The following SYT14 variants were observed in gnomAD, a reference collection of about 807,000 sequenced individuals.
SYT14 encodes synaptotagmin 14.
SYT14 carries 32 observed loss-of-function variants against 74.2 expected under a neutral mutation model. That is an observed-to-expected ratio of 0.43 (90% CI 0.33 to 0.58). The LOEUF is 0.58. Among genes scored for constraint, SYT14 ranks in the 20% least tolerant of loss-of-function variants. SYT14 has a pLI of 0.05. For missense variants in SYT14, 791 were observed against 981.8 expected, an observed-to-expected ratio of 0.81 and a Z score of 2.60; for synonymous variants, 298 against 337.7, an observed-to-expected ratio of 0.88 and a Z score of 1.29.
At chr1:210,001,571 G>A (rs2079900934) in intron 2 of SYT14, among the ~76,000 whole-genome samples, 1 of 152,056 alleles carries the variant, frequency 6.6e-6, no homozygotes, top group South Asian at 2.1e-4. Context: ...AAGCGTACAT[G>A]CTAGTATGGG....
intron 2 of SYT14, among the ~76,000 whole-genome samples, chr1:209,994,945 A>C (rs887578192): frequency 3.9e-5 from 6 of 152,234 alleles, no homozygotes; most frequent in Admixed American, 6.5e-5. Context: ...GCAAATGCTG[A>C]GGAAATTTGT....
At chr1:210,065,550 T>A (rs2081280569) in intron 5 of SYT14, among the ~76,000 whole-genome samples, 1 of 151,880 alleles carries the variant, frequency 6.6e-6, no homozygotes, top group South Asian at 2.1e-4. Flanking sequence ...TCTTTTTTTT[T>A]TAAGTTTTAT....
At chr1:210,092,652 T>A (rs1421984063) in intron 5 of SYT14, among the ~76,000 whole-genome samples, 1 of 152,266 alleles carries the variant, frequency 6.6e-6, no homozygotes. Context: ...ATGTCTAATC[T>A]GTCTTCTTGA....
At chr1:210,152,126 TA>T (rs969336516) in intron 7 of SYT14, among the ~76,000 whole-genome samples, 6 of 152,332 alleles carry the variant, frequency 3.9e-5, no homozygotes, top group Admixed American at 1.3e-4. Context: ...TGAAACTTAC[TA>T]AAATTGTTTT....
chr1:210,016,177 G>A (rs1447846426), exon 4 of SYT14: 1 of 1,231,938 alleles, frequency 8.1e-7, no homozygotes, highest in African/African-American at 1.6e-5. Flanking sequence ...GCCCAGAAGA[G>A]GAAAGCTCTG....
At chr1:210,083,481 T>C (rs948230001) in intron 5 of SYT14, among the ~76,000 whole-genome samples, 3 of 152,172 alleles carry the variant, frequency 2.0e-5, no homozygotes, top group African/African-American at 4.8e-5. Context: ...GGCACAATCA[T>C]AGCTCACTGC....
chr1:210,048,342 T>C (rs2080925079), intron 5 of SYT14, among the ~76,000 whole-genome samples: 1 of 152,134 alleles, frequency 6.6e-6, no homozygotes. Context: ...TACCCAAGAC[T>C]GGGCAATTTA....
intron 7 of SYT14, among the ~76,000 whole-genome samples, chr1:210,132,567 T>TTTTGTGTG (rs147481736): frequency 0.11 from 15,480 of 144,986 alleles, 1,096 homozygotes; most frequent in South Asian, 0.18. Context: ...ATTTTATATA[T>TTTTGTGTG]TGTGTGTGTG....
At chr1:209,947,953 G>T (rs1162756197) in intron 1 of SYT14, among the ~76,000 whole-genome samples, 1 of 152,110 alleles carries the variant, frequency 6.6e-6, no homozygotes, top group Non-Finnish European at 1.5e-5. Context: ...CTTGCTGAAG[G>T]CCTAGACAAT....
intron 5 of SYT14, among the ~76,000 whole-genome samples, chr1:210,046,171 G>A (rs2080880705): frequency 6.6e-6 from 1 of 152,174 alleles, no homozygotes; most frequent in African/African-American, 2.4e-5. Context: ...AGGAGTTCAA[G>A]ACCAGTCTGG....
exon 10 of SYT14, chr1:210,167,983 G>A (rs191442688): frequency 6.6e-6 from 1 of 152,270 alleles, no homozygotes; most frequent in Non-Finnish European, 1.5e-5. Context: ...CCATAGGGAG[G>A]ACCAAATAGG....
intron 7 of SYT14, among the ~76,000 whole-genome samples, chr1:210,153,672 T>C (rs932596425): frequency 9.9e-5 from 15 of 152,224 alleles, no homozygotes; most frequent in African/African-American, 3.6e-4. Flanking sequence ...AATTATGTAA[T>C]CTGCACATAA....
At chr1:209,962,875 T>C (rs1245081609) in intron 2 of SYT14, among the ~76,000 whole-genome samples, 4 of 152,170 alleles carry the variant, frequency 2.6e-5, no homozygotes, top group Non-Finnish European at 5.9e-5. Context: ...AAAAGCCATC[T>C]AAAAGTGTCA....
At position 210,029,424 on chromosome 1, in the gene SYT14, A is replaced by G. The variant is rs2080481330; in HGVS notation, c.1312+8170A>G. Among the ~76,000 whole-genome samples, 4 of 152,186 alleles carry G rather than the reference A, an allele frequency of 2.6e-5. No homozygotes were observed. In the South Asian group the frequency reaches 8.3e-4, roughly 32 times the overall value. On this transcript the variant is annotated intron_variant, in intron 5 of 9. Coordinates refer to ENST00000637265, the Ensembl canonical transcript of SYT14. ...AAGTCTTATCGTTATGATGTGATCC[A>G]TTTTGAGTTAATTTTTATATACGAT...
chr1:210,152,687 C>T (rs1019310157), intron 7 of SYT14, among the ~76,000 whole-genome samples: 1 of 152,120 alleles, frequency 6.6e-6, no homozygotes, highest in Non-Finnish European at 1.5e-5. Context: ...CTCACTAACC[C>T]CAGAAACTCC....
chr1:210,141,216 G>A (rs1357036707), intron 7 of SYT14, among the ~76,000 whole-genome samples: 1 of 152,082 alleles, frequency 6.6e-6, no homozygotes, highest in Non-Finnish European at 1.5e-5. Context: ...TTTCAAAAGT[G>A]TCTTGTAACT....
At chr1:209,973,729 A>G (rs1349497526) in intron 2 of SYT14, among the ~76,000 whole-genome samples, 2 of 152,170 alleles carry the variant, frequency 1.3e-5, no homozygotes, top group Non-Finnish European at 2.9e-5. Context: ...TATACCCAGT[A>G]ATGGGATGGC....
chr1:210,072,885 C>A (rs1237462299), intron 5 of SYT14, among the ~76,000 whole-genome samples: 5 of 151,196 alleles, frequency 3.3e-5, no homozygotes, highest in African/African-American at 1.2e-4. Flanking sequence ...ATTAGCAAAA[C>A]AGGATTCAGG....
chr1:210,028,925 C>T (rs1046919460), intron 5 of SYT14, among the ~76,000 whole-genome samples: 3 of 152,184 alleles, frequency 2.0e-5, no homozygotes, highest in Non-Finnish European at 2.9e-5. Context: ...TGCCTCCTAA[C>T]CAACACTTAT....
Sources: allele counts gnomAD v4.1 joint callset (sites outside exome capture counted in the v4.1 genomes callset), GRCh38; gene constraint gnomAD v4.1.1; transcripts MANE v1.5; gene names NCBI Gene and HGNC (gene_info 2026-07-23, HGNC 2026-07-21).